Variants in SLC52A1 observed in about 807,000 individuals in gnomAD.
SLC52A1 encodes solute carrier family 52 member 1.
Under a neutral mutation model 23.2 loss-of-function variants are expected in SLC52A1, and 20 were observed. That is an observed-to-expected ratio of 0.86 (90% CI 0.61 to 1.25). The LOEUF (loss-of-function observed/expected upper bound fraction) is 1.25, where lower values mean the gene tolerates loss of function less well. SLC52A1 is among the 50% of genes most tolerant of loss of function. The pLI, the probability that SLC52A1 is intolerant of heterozygous loss-of-function variation, is 0.00. For missense variants in SLC52A1, 528 were observed against 557.0 expected (o/e 0.95, Z 0.52); for synonymous variants, 260 against 256.6 (o/e 1.01, Z -0.13).
Position 5,033,782 on chromosome 17 carries a change from C to T in SLC52A1, c.707G>A (p.Gly236Glu), listed in dbSNP as rs1975382325. ...TGGSGPELQLGSPGAEEEEKE... is the reference protein window; with the variant it reads ...TGGSGPELQLESPGAEEEEKE... ...CTCTTCCTCCTCTGCTCCTGGGGAT[C>T]CCAGTTGAAGTTCAGGCCCTGAGCC... is the stretch of plus-strand genomic sequence containing the variant. Residue 236 changes from glycine to glutamate, a missense_variant, in exon 3 of 5, where the codon GGA becomes GAA. By Grantham distance (98) the Gly-to-Glu change is moderately conservative. Transcript: ENST00000254853. 1 of 1,614,212 alleles carries T rather than the reference C, an allele frequency of 6.2e-7. No homozygotes were observed. Among genetic ancestry groups the T allele is most frequent in the Non-Finnish European group, 8.5e-7 (1 of 1,180,044 alleles).
In SLC52A1 at chr17:5,033,102, T is replaced by C; in HGVS notation, c.1202A>G (p.His401Arg). The C allele has an allele frequency of 1.2e-6, 2 of 1,613,788 alleles. No individual in the cohort carries two copies. The highest frequency in any genetic ancestry group is 1.3e-5 in the African/African-American group (1 of 75,038). The change falls in exon 5 of 5, where the codon CAT becomes CGT. Residue 401 changes from histidine (H) to arginine (R), a missense_variant. By Grantham distance (29) the His-to-Arg change is conservative (BLOSUM62 0). Coordinates refer to ENST00000254853, the MANE Select transcript of SLC52A1 (RefSeq NM_017986.4). ...CAGCAATGCCGGCCGACCCCCACCA[T>C]GCAGCAGGGAGCTTGCAGCCACCTT... is the stretch of plus-strand genomic sequence containing the variant. ...YVKVAASSLLHGGGRPALLAA... is the reference protein window; with the variant it reads ...YVKVAASSLLRGGGRPALLAA...
At chr17:5,035,941 C>T (rs1308224049), upstream of SLC52A1, among the ~76,000 whole-genome samples, 4 of 128,386 alleles carry the variant, frequency 3.1e-5, no homozygotes, top group African/African-American at 1.2e-4. Flanking sequence ...GCTGGCTTGG[C>T]ACTCCTGGGC....
In SLC52A1 at chr17:5,033,717, T is replaced by C; in HGVS notation, c.772A>G (p.Ser258Gly). Residue 258 changes from serine to glycine, a missense_variant, in exon 3 of 5, where the codon AGC becomes GGC. Coordinates refer to ENST00000254853, the MANE Select transcript of SLC52A1 (RefSeq NM_017986.4). ...EEALPLQEPP[S>G]QAAGTIPGPD... ...CCAGGGATGGTGCCTGCTGCCTGGC[T>C]CGGTGGCTCCTGCAATGGCAAAGCC... is the stretch of plus-strand genomic sequence containing the variant. 6.2e-7 allele frequency: 1 copy of C among 1,614,084 alleles called. No individual in the cohort carries two copies. The highest frequency in any genetic ancestry group is 1.1e-5 in the South Asian group (1 of 91,088).
At position 5,033,744 on chromosome 17, in the gene SLC52A1, C is replaced by T. The variant is rs763870052; in HGVS notation, c.745G>A (p.Glu249Lys). Residue 249 changes from glutamate to lysine, a missense_variant, in exon 3 of 5, where the codon GAG becomes AAG. By Grantham distance (56) the Glu-to-Lys change is moderately conservative. Transcript: ENST00000254853. ...GAEEEEKEEE[E>K]ALPLQEPPSQ... ...GGTGGCTCCTGCAATGGCAAAGCCT[C>T]TTCTTCCTCCTTCTCTTCCTCCTCT... 1.7e-5 allele frequency: 28 copies of T among 1,614,058 alleles called. No homozygotes were observed. In the South Asian group the frequency reaches 3.1e-4, roughly 18 times the overall value.
chr17:5,033,270 C>T lies in SLC52A1; in HGVS notation c.1125G>A (p.Val375=), dbSNP rs1256621116. ...GTCTCCACTTGCTCACCACAAGGAC[C>T]ACCCCTGCAGTGGTGCCCACCAGGG... The part of the protein sequence containing the change: ...CPPLVGTTAG[V]VLVVLSWVLC... The change falls in exon 4 of 5, where the codon GTG becomes GTA. Residue 375 remains valine, a synonymous_variant. Transcript: ENST00000254853. 2 of 1,614,084 alleles carry T rather than the reference C, an allele frequency of 1.2e-6. No homozygotes were observed. The highest frequency in any genetic ancestry group is 1.7e-6 in the Non-Finnish European group (2 of 1,179,992).
rs1444471795 is a variant in SLC52A1 at position 5,035,103 on chromosome 17, A to G, written c.-350T>C. ...AAGGCAGATCGCCTGAGGTCAGGAGATTGAGACCATCCTGGCCAACATGGT... is the reference window on the plus strand; with the variant it reads ...AAGGCAGATCGCCTGAGGTCAGGAGGTTGAGACCATCCTGGCCAACATGGT... On this transcript the variant is annotated 5_prime_UTR_variant, in exon 1 of 5. Coordinates refer to ENST00000254853, the MANE Select transcript of SLC52A1 (RefSeq NM_017986.4). 6.2e-6 allele frequency: 1 copy of G among 161,890 alleles called. No homozygotes were observed. Among genetic ancestry groups the G allele is most frequent in the African/African-American group, 2.4e-5 (1 of 41,696 alleles). 10.0% of individuals were successfully genotyped at this position (161,890 alleles called of 1,614,324 possible).
At chr17:5,035,734 C>A (rs534361378), upstream of SLC52A1, among the ~76,000 whole-genome samples, 5 of 147,402 alleles carry the variant, frequency 3.4e-5, no homozygotes, top group South Asian at 8.9e-4. Context: ...ACTCTGTCAC[C>A]CAGGCTAGAG....
upstream of SLC52A1, among the ~76,000 whole-genome samples, chr17:5,036,221 G>T (rs1224137561): frequency 6.7e-6 from 1 of 150,250 alleles, no homozygotes. Flanking sequence ...TAGTGCACAG[G>T]GTCTCGCCAT....
chr17:5,035,757 C>T (rs919395708), upstream of SLC52A1, among the ~76,000 whole-genome samples: 2 of 150,446 alleles, frequency 1.3e-5, no homozygotes, highest in South Asian at 2.1e-4. Flanking sequence ...CAGCGGTGCG[C>T]GATCGCGGCT....
At position 5,033,707 on chromosome 17, in the gene SLC52A1, G is replaced by A; in HGVS notation, c.782C>T (p.Ala261Val). 6.2e-7 allele frequency: 1 copy of A among 1,614,050 alleles called. No individual in the cohort carries two copies. Among genetic ancestry groups the A allele is most frequent in the Non-Finnish European group, 8.5e-7 (1 of 1,180,028 alleles). The change falls in exon 3 of 5, where the codon GCA becomes GTA. Residue 261 changes from alanine (A) to valine (V), a missense_variant. Physicochemically the swap from Ala to Val is moderately conservative, Grantham distance 64. Coordinates refer to ENST00000254853, the MANE Select transcript of SLC52A1 (RefSeq NM_017986.4). ...LPLQEPPSQA[A>V]GTIPGPDPEA... ...AGGGTCTGGGCCAGGGATGGTGCCTGCTGCCTGGCTCGGTGGCTCCTGCAA... is the reference window on the plus strand; with the variant it reads ...AGGGTCTGGGCCAGGGATGGTGCCTACTGCCTGGCTCGGTGGCTCCTGCAA...
At chr17:5,033,201 A>G (rs1009396046) in intron 4 of SLC52A1, 32 bp from the exon 5 acceptor site, 3 of 1,613,088 alleles carry the variant, frequency 1.9e-6, no homozygotes, top group Admixed American at 1.7e-5. Flanking sequence ...CAGGCTGAGC[A>G]TGACATGCAC....
rs754911188 is a variant in SLC52A1 at position 5,034,063 on chromosome 17, A to G, written c.426T>C (p.Pro142=). The change falls in exon 3 of 5, where the codon CCT becomes CCC. Residue 142 remains proline (P), a synonymous_variant. Coordinates refer to ENST00000254853, the MANE Select transcript of SLC52A1 (RefSeq NM_017986.4). ...GACCCAGGAAGAAAGACCGTAAGAA[A>G]GGAGGTGGCAGGTGGCTCAGGAAGG... is the stretch of plus-strand genomic sequence containing the variant. ...FLPFLSHLPP[P]FLRSFFLGQG... 8.7e-6 allele frequency: 14 copies of G among 1,614,210 alleles called. No homozygotes were observed. Among genetic ancestry groups the G allele is most frequent in the Non-Finnish European group, 1.2e-5 (14 of 1,180,028 alleles).
chr17:5,040,054 A>C (rs1975526059), upstream of SLC52A1, among the ~76,000 whole-genome samples: 1 of 152,180 alleles, frequency 6.6e-6, no homozygotes, highest in South Asian at 2.1e-4. Flanking sequence ...GTAGGATTAC[A>C]AAAGTGCCTT....
chr17:5,034,835 G>A (rs1295064314), intron 1 of SLC52A1, 26 bp downstream of exon 1: 4 of 463,698 alleles, frequency 8.6e-6, no homozygotes, highest in East Asian at 8.0e-5. Flanking sequence ...GGGGGCGGGC[G>A]GGGAAGGTGG....
chr17:5,036,162 G>C (rs1339524049), upstream of SLC52A1, among the ~76,000 whole-genome samples: 3 of 146,662 alleles, frequency 2.0e-5, no homozygotes, highest in Non-Finnish European at 3.0e-5. Context: ...CTCCCGAGTA[G>C]CTGGAATTAC....
chr17:5,037,804 A>G (rs1489018866), upstream of SLC52A1, among the ~76,000 whole-genome samples: 1 of 152,112 alleles, frequency 6.6e-6, no homozygotes. Context: ...ATTATACCAC[A>G]TAGGACGTGC....
At chr17:5,037,522 C>T (rs1451717381), upstream of SLC52A1, among the ~76,000 whole-genome samples, 2 of 151,894 alleles carry the variant, frequency 1.3e-5, no homozygotes, top group Non-Finnish European at 1.5e-5. Context: ...CCATCCACCC[C>T]CCCAAACAAA....
At chr17:5,040,633 A>T (rs1381102743) in intron 1 of SLC52A1, among the ~76,000 whole-genome samples, 2 of 152,084 alleles carry the variant, frequency 1.3e-5, no homozygotes, top group Non-Finnish European at 2.9e-5. Flanking sequence ...AACCAAGGGG[A>T]CCGAAGGTCT....
chr17:5,034,624 C>G lies in SLC52A1; in HGVS notation c.-18G>C. The G allele has an allele frequency of 1.9e-6, 3 of 1,613,752 alleles. No individual in the cohort carries two copies. The highest frequency in any genetic ancestry group is 2.5e-6 in the Non-Finnish European group (3 of 1,179,872). On this transcript the variant is annotated 5_prime_UTR_variant, in exon 2 of 5. Transcript: ENST00000254853. ...GCTGCCATTCAGCCCAAAGCTGGAC[C>G]CTCCAGGACAGGGCAAAGGTCACAG...
Sources: allele counts gnomAD v4.1 joint callset (sites outside exome capture counted in the v4.1 genomes callset), GRCh38; gene constraint gnomAD v4.1.1; transcripts MANE v1.5; gene names NCBI Gene and HGNC (gene_info 2026-07-23, HGNC 2026-07-21).